ERC2: variants seen among roughly 807,000 people sequenced by gnomAD.
ERC2 encodes the protein ERC protein 2.
A neutral mutation model predicts 114.8 loss-of-function variants in ERC2; 42 were observed. That is an observed-to-expected ratio of 0.37 (90% CI 0.29 to 0.47). The LOEUF (loss-of-function observed/expected upper bound fraction) is 0.47. Among genes scored for constraint, ERC2 ranks in the 20% least tolerant of loss-of-function variants. The pLI is 0.99. For synonymous variants in ERC2, 454 were observed against 425.5 expected, an observed-to-expected ratio of 1.07 and a Z score of -0.82; for missense variants, 939 against 1,150.7, an observed-to-expected ratio of 0.82 and a Z score of 2.66.
chr3:55,810,087 T>A (rs1559692119), intron 14 of ERC2, among the ~76,000 whole-genome samples: 1 of 152,210 alleles, frequency 6.6e-6, no homozygotes, highest in Non-Finnish European at 1.5e-5. Flanking sequence ...AGGCAACTAC[T>A]GTACATTTTA....
Position 55,810,476 on chromosome 3 carries a change from T to G in ERC2, c.2565-75558A>C, listed in dbSNP as rs559698432. Among the ~76,000 whole-genome samples the G allele has an allele frequency of 1.7e-4, 25 of 150,750 alleles. No homozygotes were observed. The East Asian group carries it at 4.9e-3, about 30-fold the overall frequency. Reference sequence around the variant, plus strand: ...GTCTCTCTCTCCCTCTTTTTTTTTTTGTTTGAGACGGAGTTTTGGTCTTGT... The same window carrying G: ...GTCTCTCTCTCCCTCTTTTTTTTTTGGTTTGAGACGGAGTTTTGGTCTTGT... On this transcript the variant is annotated intron_variant, in intron 14 of 17. Coordinates refer to ENST00000288221, the MANE Select transcript of ERC2 (RefSeq NM_015576.3).
At chr3:56,269,553 T>G (rs998455310) in intron 3 of ERC2, among the ~76,000 whole-genome samples, 12 of 152,098 alleles carry the variant, frequency 7.9e-5, no homozygotes, top group Admixed American at 7.9e-4. Flanking sequence ...AAGTGAGAGG[T>G]GATGTCTTAG....
At chr3:55,965,226 T>C (rs1292544901) in intron 12 of ERC2, among the ~76,000 whole-genome samples, 1 of 152,198 alleles carries the variant, frequency 6.6e-6, no homozygotes, top group Non-Finnish European at 1.5e-5. Flanking sequence ...GTCTCTCATA[T>C]GCAATATCCA....
intron 6 of ERC2, among the ~76,000 whole-genome samples, chr3:56,094,193 T>C (rs1055466218): frequency 6.6e-6 from 1 of 152,040 alleles, no homozygotes; most frequent in Non-Finnish European, 1.5e-5. Flanking sequence ...GTGGCATGGG[T>C]AAGAAAGGTT....
intron 6 of ERC2, among the ~76,000 whole-genome samples, chr3:56,136,865 A>G (rs2080537300): frequency 6.6e-6 from 1 of 152,234 alleles, no homozygotes; most frequent in Admixed American, 6.5e-5. Flanking sequence ...TAAAATCAGT[A>G]ATCTCATACT....
intron 6 of ERC2, among the ~76,000 whole-genome samples, chr3:56,133,447 TA>T (rs1171101329): frequency 6.6e-6 from 1 of 151,886 alleles, no homozygotes; most frequent in Non-Finnish European, 1.5e-5. Context: ...AAAAAAATAA[TA>T]AAATAAAATA....
At chr3:56,177,675 T>C (rs1037911275) in intron 3 of ERC2, among the ~76,000 whole-genome samples, 2 of 152,158 alleles carry the variant, frequency 1.3e-5, no homozygotes, top group African/African-American at 4.8e-5. Flanking sequence ...TAACCACTTA[T>C]TGAGAGGAAA....
chr3:56,170,243 C>T (rs144821280), intron 4 of ERC2, among the ~76,000 whole-genome samples: 129 of 152,248 alleles, frequency 8.5e-4, no homozygotes, highest in African/African-American at 3.0e-3. Context: ...AACTTCAGCC[C>T]CCAGGCTCAA....
chr3:56,434,898 C>T lies in ERC2; in HGVS notation c.110G>A (p.Gly37Asp). ...LGHRRTSSGG[G>D]GGTGKTLSME... is the part of the protein sequence containing the mutation. ...AGACAGAGTCTTGCCTGTTCCTCCA[C>T]CTCCCCCACTACTTGTTCTTCGGTG... The change falls in exon 2 of 18, where the codon GGT (glycine) becomes GAT (aspartate). Residue 37 changes from glycine to aspartate, a missense_variant. Transcript: ENST00000288221. 2.5e-6 allele frequency: 4 copies of T among 1,613,858 alleles called. No individual in the cohort carries two copies. Among genetic ancestry groups the T allele is most frequent in the Non-Finnish European group, 3.4e-6 (4 of 1,179,874 alleles).
intron 14 of ERC2, among the ~76,000 whole-genome samples, chr3:55,822,698 TG>T (rs1271796048): frequency 6.8e-6 from 1 of 146,622 alleles, no homozygotes; most frequent in African/African-American, 2.5e-5. Flanking sequence ...CCCGAGTAGC[TG>T]GGACTACAGG....
At chr3:55,657,043 T>C (rs1214590137) in intron 17 of ERC2, among the ~76,000 whole-genome samples, 3 of 151,974 alleles carry the variant, frequency 2.0e-5, no homozygotes, top group Admixed American at 1.3e-4. Context: ...TTCCCTCTCA[T>C]CTCCCCCTAG....
chr3:56,116,048 TCTC>T lies in ERC2; in HGVS notation c.1473+23458_1473+23460del, dbSNP rs1275507260. On this transcript the variant is annotated intron_variant, in intron 6 of 17. Transcript: ENST00000288221. ...CTGCTATAAAGGCTCTTGCCATGTT[TCTC>T]CTCCCTCTCTCTGCCTCCTGACCGA... Among the ~76,000 whole-genome samples the T allele has an allele frequency of 2.6e-5, 4 of 152,316 alleles. No individual in the cohort carries two copies. The South Asian group carries it at 6.2e-4, about 24-fold the overall frequency.
At chr3:55,617,621 C>G (rs997000953) in intron 17 of ERC2, among the ~76,000 whole-genome samples, 3 of 152,118 alleles carry the variant, frequency 2.0e-5, no homozygotes, top group African/African-American at 7.2e-5. Flanking sequence ...ATGATAAACT[C>G]CCAGAGCAAA....
chr3:56,110,730 G>C (rs2078913655), intron 6 of ERC2, among the ~76,000 whole-genome samples: 1 of 152,170 alleles, frequency 6.6e-6, no homozygotes, highest in Admixed American at 6.5e-5. Context: ...AGGCAGGATT[G>C]AGACAGGTAA....
intron 2 of ERC2, among the ~76,000 whole-genome samples, chr3:56,331,382 C>T (rs545691945): frequency 1.4e-4 from 21 of 152,120 alleles, no homozygotes; most frequent in African/African-American, 5.1e-4. Context: ...GCTATATATC[C>T]CCAGCTGTCT....
chr3:55,932,246 T>A (rs911617053), intron 13 of ERC2, among the ~76,000 whole-genome samples: 1 of 152,186 alleles, frequency 6.6e-6, no homozygotes, highest in African/African-American at 2.4e-5. Flanking sequence ...AAAAATATAA[T>A]GCCTCTTTCC....
chr3:55,712,921 C>A (rs538908392), intron 15 of ERC2, among the ~76,000 whole-genome samples: 37 of 152,260 alleles, frequency 2.4e-4, no homozygotes, highest in African/African-American at 8.7e-4. Context: ...TGAGAGAATT[C>A]TTTGAATAAA....
At chr3:56,032,834 T>C (rs145605622) in intron 7 of ERC2, among the ~76,000 whole-genome samples, 1 of 132,990 alleles carries the variant, frequency 7.5e-6, no homozygotes, top group East Asian at 2.1e-4. Context: ...AGACCCTGTC[T>C]GTTGGAAGAA....
intron 2 of ERC2, among the ~76,000 whole-genome samples, chr3:56,334,731 A>T (rs2057775854): frequency 6.6e-6 from 1 of 152,210 alleles, no homozygotes; most frequent in African/African-American, 2.4e-5. Context: ...GAAGTTGATG[A>T]TAAAAACTTC....
Sources: allele counts gnomAD v4.1 joint callset (sites outside exome capture counted in the v4.1 genomes callset), GRCh38; gene constraint gnomAD v4.1.1; transcripts MANE v1.5; gene names NCBI Gene and HGNC (gene_info 2026-07-23, HGNC 2026-07-21).